OXSM: variants seen among roughly 807,000 people sequenced by gnomAD.
OXSM encodes 3-oxoacyl-ACP synthase, mitochondrial, also known as 3-oxoacyl-[acyl-carrier-protein] synthase, mitochondrial.
In OXSM, 19 loss-of-function variants were observed where a neutral mutation model predicts 29.2. The observed-to-expected ratio is 0.65, with a 90% CI of 0.45 to 0.96. OXSM has a LOEUF of 0.96. OXSM is among the 40% of genes least tolerant of loss of function. The probability of loss-of-function intolerance (pLI) is 0.00; values close to 1 mark genes in which losing one functional copy is unlikely to be tolerated. For synonymous variants in OXSM, 178 were observed against 197.1 expected (o/e 0.90, Z 0.81); for missense variants, 554 against 551.3 (o/e 1.00, Z -0.05).
At chr3:25,793,766 A>C (rs190658068) in intron 2 of OXSM, among the ~76,000 whole-genome samples, 2 of 152,382 alleles carry the variant, frequency 1.3e-5, no homozygotes, top group African/African-American at 4.8e-5. Flanking sequence ...TCTTGAGTCA[A>C]CATGGTATTT....
Position 25,790,921 on chromosome 3 carries a change from G to C in OXSM, c.-31-69G>C, listed in dbSNP as rs1708728814. ...TATCAAGCACCCAAAGGAACACCTT[G>C]GATGTTTTTCCTTAGGCCCTTAAGC... On this transcript the variant is annotated intron_variant, in intron 1 of 2. Transcript: ENST00000280701. 4.7e-5 allele frequency: 53 copies of C among 1,130,886 alleles called. 1 individual carries two copies. The South Asian group carries it at 7.3e-4, about 16-fold the overall frequency. The allele number at this position is 1,130,886 out of a possible 1,614,324, so 70.1% of individuals were successfully genotyped here.
At position 25,790,092 on chromosome 3, in the gene OXSM, T is replaced by G. The variant is rs993865025; in HGVS notation, c.-87T>G. 5 of 595,938 alleles carry G rather than the reference T, an allele frequency of 8.4e-6. No individual in the cohort carries two copies. Among genetic ancestry groups the G allele is most frequent in the African/African-American group, 1.9e-5 (1 of 53,618 alleles). The allele number at this position is 595,938 out of a possible 1,614,324, so 36.9% of individuals were successfully genotyped here. On this transcript the variant is annotated 5_prime_UTR_variant, in exon 1 of 3. Transcript: ENST00000280701. ...AGCGTACGTGCGTGTGCGCGTGCGC[T>G]CGAGAGCGTCATCGCCCCCGACTGT...
intron 2 of OXSM, among the ~76,000 whole-genome samples, chr3:25,793,322 G>T (rs958450790): frequency 6.6e-6 from 1 of 151,638 alleles, no homozygotes; most frequent in Non-Finnish European, 1.5e-5. Context: ...AGTAGTTGCT[G>T]GTGGTAAAAA....
In OXSM at chr3:25,794,357, T is replaced by C; in HGVS notation, c.1243T>C (p.Cys415Arg). 3 of 1,614,218 alleles carry C rather than the reference T, an allele frequency of 1.9e-6. No homozygotes were observed. Among genetic ancestry groups the C allele is most frequent in the Non-Finnish European group, 2.5e-6 (3 of 1,180,030 alleles). Residue 415 changes from cysteine (C) to arginine (R), a missense_variant, in exon 3 of 3, where the codon TGT (cysteine) becomes CGT (arginine). Physicochemically the swap from Cys to Arg is radical, Grantham distance 180. Coordinates refer to ENST00000280701, the MANE Select transcript of OXSM (RefSeq NM_017897.3). ...ACTACCACCTACTTTAAACCTGGAT[T>C]GTTCGGAACCAGAATTTGATCTCAA... ...QKLPPTLNLD[C>R]SEPEFDLNYV...
rs1708698048 is a variant in OXSM at position 25,790,143 on chromosome 3, T to C, written c.-36T>C. 3.9e-6 allele frequency: 2 copies of C among 511,752 alleles called. No individual in the cohort carries two copies. The highest frequency in any genetic ancestry group is 2.9e-5 in the South Asian group (1 of 34,702). The allele number at this position is 511,752 out of a possible 1,614,324, so 31.7% of individuals were successfully genotyped here. A position where few individuals can be genotyped will look rare whatever the true frequency, so the allele number is the denominator to read the frequency against. On this transcript the variant is annotated 5_prime_UTR_variant, in exon 1 of 3. Coordinates refer to ENST00000280701, the MANE Select transcript of OXSM (RefSeq NM_017897.3). The stretch of plus-strand genomic sequence containing the variant: ...GGAGAAGTGTCCGGGGTAGCCCCGT[T>C]ACAGGTATCGCTGGCTACCCTCCTC...
At chr3:25,792,777 C>T (rs767270035) in intron 2 of OXSM, among the ~76,000 whole-genome samples, 11 of 152,006 alleles carry the variant, frequency 7.2e-5, no homozygotes, top group Non-Finnish European at 1.2e-4. Context: ...TAGATTAGTG[C>T]ATTTAAAATG....
intron 2 of OXSM, among the ~76,000 whole-genome samples, chr3:25,792,796 T>A (rs1167644224): frequency 6.6e-6 from 1 of 152,174 alleles, no homozygotes; most frequent in Non-Finnish European, 1.5e-5. Flanking sequence ...TGCAAAAAAA[T>A]AAAAATAAAA....
In OXSM at chr3:25,791,953, T is replaced by A; in HGVS notation, c.933T>A (p.Ala311=). 1 of 1,600,372 alleles carries A rather than the reference T, an allele frequency of 6.2e-7. No individual in the cohort carries two copies. Among genetic ancestry groups the A allele is most frequent in the Non-Finnish European group, 8.5e-7 (1 of 1,179,810 alleles). ...EVLGYGLSGD[A]GHITAPDPEG... ...TGGGCTATGGACTCTCAGGTGATGCTGGTCACATAACTGCCCCTGATCCTG... is the reference window on the plus strand; with the variant it reads ...TGGGCTATGGACTCTCAGGTGATGCAGGTCACATAACTGCCCCTGATCCTG... Residue 311 remains alanine, a synonymous_variant, in exon 2 of 3, where the codon GCT becomes GCA. Coordinates refer to ENST00000280701, the MANE Select transcript of OXSM (RefSeq NM_017897.3).
rs755476524 is a variant in OXSM, at chr3:25,790,131, G to T, written c.-48G>T. ...GCCCCCGACTGTGGAGAAGTGTCCG[G>T]GGTAGCCCCGTTACAGGTATCGCTG... On this transcript the variant is annotated 5_prime_UTR_variant, in exon 1 of 3. Coordinates refer to ENST00000280701, the MANE Select transcript of OXSM (RefSeq NM_017897.3). 3.8e-6 allele frequency: 2 copies of T among 520,292 alleles called. No homozygotes were observed. The highest frequency in any genetic ancestry group is 6.8e-6 in the Non-Finnish European group (2 of 292,768). 32.2% of individuals were successfully genotyped at this position (520,292 alleles called of 1,614,324 possible). A position where few individuals can be genotyped will look rare whatever the true frequency, so the allele number is the denominator to read the frequency against.
Position 25,791,700 on chromosome 3 carries a change from A to T in OXSM, c.680A>T (p.Asp227Val). 6.2e-7 allele frequency: 1 copy of T among 1,614,138 alleles called. No homozygotes were observed. Among genetic ancestry groups the T allele is most frequent in the Non-Finnish European group, 8.5e-7 (1 of 1,180,020 alleles). Residue 227 changes from aspartate (D) to valine (V), a missense_variant, in exon 2 of 3, where the codon GAT (aspartate) becomes GTT (valine). Coordinates refer to ENST00000280701, the MANE Select transcript of OXSM (RefSeq NM_017897.3). Reference protein sequence around the residue: ...GDSFRFIAHGDADVMVAGGTD... With the variant: ...GDSFRFIAHGVADVMVAGGTD... ...TCATTTAGATTTATAGCCCATGGTG[A>T]TGCTGATGTGATGGTGGCTGGAGGT...
In OXSM at chr3:25,794,082, G is replaced by A; in HGVS notation, c.978-10G>A. 6.3e-7 allele frequency: 1 copy of A among 1,589,098 alleles called. No individual in the cohort carries two copies. The highest frequency in any genetic ancestry group is 1.2e-5 in the South Asian group (1 of 86,696). ...TTAGTCCTGATAAATGTCTTTTCTT[G>A]TTTTATTAGGTGTATGGCTGCTGCT... On this transcript the variant is annotated splice_polypyrimidine_tract_variant and intron_variant, in intron 2 of 2. Coordinates refer to ENST00000280701, the MANE Select transcript of OXSM (RefSeq NM_017897.3).
chr3:25,791,732 T>C lies in OXSM; in HGVS notation c.712T>C (p.Ser238Pro), dbSNP rs766404662. The C allele has an allele frequency of 3.7e-6, 6 of 1,614,116 alleles. No individual in the cohort carries two copies. Among genetic ancestry groups the C allele is most frequent in the Non-Finnish European group, 5.1e-6 (6 of 1,180,020 alleles). ...ADVMVAGGTD[S>P]CISPLSLAGF... ...TGTGATGGTGGCTGGAGGTACAGATTCTTGTATTAGCCCTTTATCTCTTGC... is the reference window on the plus strand; with the variant it reads ...TGTGATGGTGGCTGGAGGTACAGATCCTTGTATTAGCCCTTTATCTCTTGC... The change falls in exon 2 of 3, where the codon TCT becomes CCT. Residue 238 changes from serine (S) to proline (P), a missense_variant. Transcript: ENST00000280701.
chr3:25,791,399 G>A lies in OXSM; in HGVS notation c.379G>A (p.Glu127Lys). 3 of 1,614,222 alleles carry A rather than the reference G, an allele frequency of 1.9e-6. No individual in the cohort carries two copies. The highest frequency in any genetic ancestry group is 2.5e-6 in the Non-Finnish European group (3 of 1,180,030). Residue 127 changes from glutamate to lysine, a missense_variant, in exon 2 of 3, where the codon GAA becomes AAA. Coordinates refer to ENST00000280701, the MANE Select transcript of OXSM (RefSeq NM_017897.3). The part of the protein sequence containing the change: ...SPTIMAIGAA[E>K]LAMKDSGWHP... ...CACCATCATGGCCATTGGGGCTGCA[G>A]AATTAGCCATGAAGGATTCTGGCTG...
chr3:25,792,547 T>C (rs1045389628), intron 2 of OXSM, among the ~76,000 whole-genome samples: 19 of 152,198 alleles, frequency 1.2e-4, no homozygotes, highest in Admixed American at 1.1e-3. Context: ...GCTGGTCTTA[T>C]CTCACTGCAG....
In OXSM at chr3:25,790,125, T is replaced by G. The variant is rs112800537; in HGVS notation, c.-54T>G. 1,521 of 550,084 alleles carry G rather than the reference T, an allele frequency of 2.8e-3. 17 individuals are homozygous for G. Among genetic ancestry groups the G allele is most frequent in the African/African-American group, 0.026 (1,364 of 52,556 alleles). The allele number at this position is 550,084 out of a possible 1,614,324, so 34.1% of individuals were successfully genotyped here. A position where few individuals can be genotyped will look rare whatever the true frequency, so the allele number is the denominator to read the frequency against. ...GTCATCGCCCCCGACTGTGGAGAAG[T>G]GTCCGGGGTAGCCCCGTTACAGGTA... On this transcript the variant is annotated 5_prime_UTR_variant, in exon 1 of 3. Coordinates refer to ENST00000280701, the MANE Select transcript of OXSM (RefSeq NM_017897.3).
At chr3:25,793,322 GGTGGTAAAAAT>G (rs1466154025) in intron 2 of OXSM, among the ~76,000 whole-genome samples, 3 of 151,750 alleles carry the variant, frequency 2.0e-5, no homozygotes, top group Admixed American at 6.6e-5. Context: ...AGTAGTTGCT[GGTGGTAAAAAT>G]GTCAAGCATA....
chr3:25,792,754 A>C (rs549858925), intron 2 of OXSM, among the ~76,000 whole-genome samples: 2 of 152,158 alleles, frequency 1.3e-5, no homozygotes, highest in Non-Finnish European at 2.9e-5. Flanking sequence ...GACTACATTT[A>C]AGTTAACTGT....
intron 2 of OXSM, among the ~76,000 whole-genome samples, chr3:25,793,238 C>T (rs140002537): frequency 7.2e-5 from 11 of 151,736 alleles, no homozygotes; most frequent in African/African-American, 2.2e-4. Flanking sequence ...AAGCAGTCCT[C>T]CTGCCTTGGC....
chr3:25,791,007 T>C lies in OXSM; in HGVS notation c.-14T>C. The C allele has an allele frequency of 3.1e-6, 5 of 1,603,100 alleles. No homozygotes were observed. The highest frequency in any genetic ancestry group is 3.4e-6 in the Non-Finnish European group (4 of 1,173,026). On this transcript the variant is annotated 5_prime_UTR_variant, in exon 2 of 3. Coordinates refer to ENST00000280701, the MANE Select transcript of OXSM (RefSeq NM_017897.3). The stretch of plus-strand genomic sequence containing the variant: ...TTTTACAGGAATGTGTTTCTGATCA[T>C]CTGAATCTTAATCATGTCCAACTGC...
Sources: gnomAD v4.1 joint callset for allele counts (sites outside exome capture counted in the v4.1 genomes callset) on GRCh38, gnomAD v4.1.1 for gene constraint, MANE v1.5 for transcripts, NCBI Gene and HGNC (gene_info 2026-07-23, HGNC 2026-07-21) for gene names.